The following TIAM2 variants were observed in gnomAD, a reference collection of about 807,000 sequenced individuals.
TIAM2 encodes TIAM Rac1 associated GEF 2.
A neutral mutation model predicts 152.9 loss-of-function variants in TIAM2; 80 were observed. The observed-to-expected ratio is 0.52, with a 90% CI of 0.44 to 0.63. The LOEUF (loss-of-function observed/expected upper bound fraction) is 0.63, where lower values mean the gene tolerates loss of function less well. Ranked by LOEUF, TIAM2 falls within the 30% of genes least tolerant of loss-of-function variation. TIAM2 has a pLI of 0.00. For synonymous variants in TIAM2, 804 were observed against 838.0 expected, an observed-to-expected ratio of 0.96 and a Z score of 0.70; for missense variants, 1,965 against 2,120.1, an observed-to-expected ratio of 0.93 and a Z score of 1.44.
chr6:155,029,541 A>AC, intron 1 of TIAM2, among the ~76,000 whole-genome samples: 4 of 62,380 alleles, frequency 6.4e-5, no homozygotes, highest in African/African-American at 2.3e-4. Context: ...ATAATAATAT[A>AC]TATTATGTAG....
At chr6:155,050,379 T>C (rs9322495) in intron 1 of TIAM2, among the ~76,000 whole-genome samples, 48,460 of 151,958 alleles carry the variant, frequency 0.32, 7,976 homozygotes, top group East Asian at 0.51. Context: ...GGCCTAACTT[T>C]TTGAGGGAAG....
chr6:155,083,875 G>A (rs574180879), intron 1 of TIAM2, among the ~76,000 whole-genome samples: 1 of 152,324 alleles, frequency 6.6e-6, no homozygotes, highest in East Asian at 1.9e-4. Context: ...CCAGATAAAT[G>A]TAGCCTTAGG....
chr6:155,094,396 G>A (rs1332428645), intron 2 of TIAM2, among the ~76,000 whole-genome samples: 1 of 152,066 alleles, frequency 6.6e-6, no homozygotes, highest in Non-Finnish European at 1.5e-5. Flanking sequence ...AAAAACTAAA[G>A]ATATTTTCAT....
rs149779735 is a variant in TIAM2, at chr6:155,006,872, G to A, written c.-209+11380G>A. 6.9e-3 allele frequency among the ~76,000 whole-genome samples: 1,050 copies of A among 152,030 alleles called. 14 individuals carry two copies. The highest frequency in any genetic ancestry group is 0.024 in the African/African-American group (976 of 41,490). Reference sequence around the variant, plus strand: ...CCCAGCTAATTTTTTTGTATTTTTAGTAGAGATGAGGTTTCACCATGTTGG... The same window carrying A: ...CCCAGCTAATTTTTTTGTATTTTTAATAGAGATGAGGTTTCACCATGTTGG... On this transcript the variant is annotated intron_variant, in intron 1 of 26. Transcript: ENST00000682666.
At chr6:155,024,652 TA>T (rs58181899) in intron 1 of TIAM2, among the ~76,000 whole-genome samples, 73,882 of 146,938 alleles carry the variant, frequency 0.5, 18,606 homozygotes, top group East Asian at 0.58. Context: ...TCCATGTCTT[TA>T]AAAAAAAAAA....
At chr6:155,229,784 G>A (rs1782383409) in intron 15 of TIAM2, among the ~76,000 whole-genome samples, 1 of 152,226 alleles carries the variant, frequency 6.6e-6, no homozygotes, top group Non-Finnish European at 1.5e-5. Flanking sequence ...TGGACTCACA[G>A]TTCCACATGA....
intron 2 of TIAM2, among the ~76,000 whole-genome samples, chr6:155,108,667 G>A (rs577862122): frequency 1.7e-4 from 26 of 152,226 alleles, no homozygotes; most frequent in African/African-American, 5.3e-4. Context: ...CGAGATAAGC[G>A]TTAGGCTCCT....
At chr6:155,083,226 G>A (rs1464371438) in intron 1 of TIAM2, among the ~76,000 whole-genome samples, 1 of 151,794 alleles carries the variant, frequency 6.6e-6, no homozygotes, top group African/African-American at 2.4e-5. Flanking sequence ...GCGTGCACCT[G>A]TAATGCCAGC....
Position 155,249,909 on chromosome 6 carries a change from T to C in TIAM2, c.3891T>C (p.Tyr1297=). ...ACATCAATGAGATGCAGAAGATCTA[T>C]GAGGATTATGGGACCGTGTTTGACC... ...ASHINEMQKI[Y]EDYGTVFDQL... Residue 1297 remains tyrosine (Y), a synonymous_variant, in exon 21 of 27, where the codon TAT becomes TAC. Coordinates refer to ENST00000682666, the MANE Select transcript of TIAM2 (RefSeq NM_012454.4). 2 of 1,614,136 alleles carry C rather than the reference T, an allele frequency of 1.2e-6. No individual in the cohort carries two copies. Among genetic ancestry groups the C allele is most frequent in the Non-Finnish European group, 1.7e-6 (2 of 1,180,000 alleles).
chr6:155,172,319 C>G (rs1017891045), intron 9 of TIAM2, among the ~76,000 whole-genome samples: 1 of 151,988 alleles, frequency 6.6e-6, no homozygotes, highest in Non-Finnish European at 1.5e-5. Flanking sequence ...GGATGATTCT[C>G]AGGAAGTTCT....
intron 2 of TIAM2, among the ~76,000 whole-genome samples, chr6:155,091,576 T>G (rs982325286): frequency 2.6e-5 from 4 of 152,254 alleles, no homozygotes; most frequent in Non-Finnish European, 5.9e-5. Flanking sequence ...AATTTAACAT[T>G]AGATTAGATG....
intron 15 of TIAM2, among the ~76,000 whole-genome samples, chr6:155,232,268 G>GTT (rs34963232): frequency 2.0e-5 from 3 of 148,964 alleles, no homozygotes; most frequent in African/African-American, 7.4e-5. Context: ...AATTTTTAGT[G>GTT]TTTTTTTTTT....
intron 9 of TIAM2, among the ~76,000 whole-genome samples, chr6:155,176,200 G>A (rs73575684): frequency 2.9e-3 from 436 of 152,236 alleles, no homozygotes; most frequent in African/African-American, 0.01. Context: ...AGCAGTAAGC[G>A]TGGATACTCA....
At chr6:155,070,169 G>A (rs1777804616) in intron 1 of TIAM2, among the ~76,000 whole-genome samples, 2 of 139,570 alleles carry the variant, frequency 1.4e-5, no homozygotes, top group African/African-American at 2.7e-5. Flanking sequence ...ACCTCCCAAA[G>A]TGCTGAGATT....
intron 14 of TIAM2, among the ~76,000 whole-genome samples, chr6:155,184,378 C>T (rs1175256992): frequency 1.3e-5 from 2 of 152,202 alleles, no homozygotes; most frequent in Non-Finnish European, 1.5e-5. Flanking sequence ...TTAGTTTTCT[C>T]ACGGTAAGAC....
intron 1 of TIAM2, among the ~76,000 whole-genome samples, chr6:155,076,882 G>A (rs772171330): frequency 1.2e-4 from 18 of 152,166 alleles, no homozygotes; most frequent in Non-Finnish European, 2.1e-4. Context: ...TTTTAGTAGA[G>A]ACGGAGTTCT....
chr6:155,247,838 CTGACA>C (rs575871763), intron 19 of TIAM2, among the ~76,000 whole-genome samples, 157 bp from the exon 20 acceptor site: 243 of 152,324 alleles, frequency 1.6e-3, no homozygotes, highest in Non-Finnish European at 2.5e-3. Flanking sequence ...GAATCCCACG[CTGACA>C]GCTGGGTGCC....
intron 1 of TIAM2, among the ~76,000 whole-genome samples, chr6:155,006,982 T>C (rs2114843103): frequency 6.6e-6 from 1 of 152,298 alleles, no homozygotes; most frequent in East Asian, 1.9e-4. Flanking sequence ...TGAGCCACTG[T>C]GCCCGGCCAA....
chr6:155,236,038 A>G (rs56075219), intron 15 of TIAM2, among the ~76,000 whole-genome samples: 66,657 of 151,792 alleles, frequency 0.44, 15,881 homozygotes, highest in Middle Eastern at 0.57. Flanking sequence ...TCAGGACTGC[A>G]GAATTATATT....
Sources: gnomAD v4.1 joint callset for allele counts (sites outside exome capture counted in the v4.1 genomes callset) on GRCh38, gnomAD v4.1.1 for gene constraint, MANE v1.5 for transcripts, NCBI Gene and HGNC (gene_info 2026-07-23, HGNC 2026-07-21) for gene names.